The following ZSCAN5A variants were observed in gnomAD, a reference collection of about 807,000 sequenced individuals.
The protein encoded by ZSCAN5A is zinc finger and SCAN domain containing 5A.
Under a neutral mutation model 23.7 loss-of-function variants are expected in ZSCAN5A, and 12 were observed. The observed-to-expected ratio is 0.51, with a 90% CI of 0.32 to 0.82. The LOEUF is 0.82. ZSCAN5A is among the 40% of genes least tolerant of loss of function. The probability of loss-of-function intolerance (pLI) is 0.03; values close to 1 mark genes in which losing one functional copy is unlikely to be tolerated. For synonymous variants in ZSCAN5A, 257 were observed against 239.9 expected (o/e 1.07, Z -0.66); for missense variants, 597 against 617.9 (o/e 0.97, Z 0.36).
At chr19:56,343,359 T>G in intron 2 of ZSCAN5A, 1 of 570,722 alleles carries the variant, frequency 1.8e-6, no homozygotes, top group South Asian at 1.5e-5. Context: ...AAGGTAGCAG[T>G]TGTCTTAGAG....
At chr19:56,319,562 C>G (rs1371261921), upstream of ZSCAN5A, among the ~76,000 whole-genome samples, 1 of 148,998 alleles carries the variant, frequency 6.7e-6, no homozygotes, top group African/African-American at 2.5e-5. Flanking sequence ...ACAGTAATGG[C>G]TTGAAATCAG....
intron 2 of ZSCAN5A, among the ~76,000 whole-genome samples, chr19:56,255,095 G>GGT (rs1282013536): frequency 2.0e-5 from 3 of 151,894 alleles, no homozygotes; most frequent in Admixed American, 6.6e-5. Context: ...GAATAAGTGA[G>GGT]GTACAGTAAA....
In ZSCAN5A at chr19:56,335,858, G is replaced by A. The variant is rs2147442148; in HGVS notation, c.-357-19590C>T. Among the ~76,000 whole-genome samples the A allele has an allele frequency of 1.3e-5, 2 of 152,236 alleles. 1 individual carries two copies. Among genetic ancestry groups the A allele is most frequent in the South Asian group, 4.2e-4 (2 of 4,810 alleles). ...TTCACTTATGAAGCTTAGTTTGGCT[G>A]GATATGAAATTCTGGGTTGAAAATT... On this transcript the variant is annotated intron_variant, in intron 2 of 6. Transcript: ENST00000587340.
At chr19:56,303,286 T>TG (rs2040467308) in intron 2 of ZSCAN5A, among the ~76,000 whole-genome samples, 1 of 151,916 alleles carries the variant, frequency 6.6e-6, no homozygotes, top group Non-Finnish European at 1.5e-5. Context: ...AAGACCAGCC[T>TG]GGTCAACATG....
At chr19:56,267,569 G>C (rs147905199) in intron 2 of ZSCAN5A, among the ~76,000 whole-genome samples, 57 of 152,364 alleles carry the variant, frequency 3.7e-4, no homozygotes, top group African/African-American at 1.4e-3. Flanking sequence ...CACGTGGCTA[G>C]TGGCCACCAT....
chr19:56,247,815 C>T (rs891939427), intron 2 of ZSCAN5A, among the ~76,000 whole-genome samples: 1 of 152,100 alleles, frequency 6.6e-6, no homozygotes, highest in African/African-American at 2.4e-5. Flanking sequence ...CCTCAGCCTC[C>T]CGAGTAGCTG....
intron 2 of ZSCAN5A, chr19:56,285,102 T>G (rs990089514): frequency 1.4e-6 from 1 of 730,584 alleles, no homozygotes; most frequent in African/African-American, 1.9e-5. Context: ...GAGTCATTTA[T>G]GCTTTTAGGT....
chr19:56,239,152 T>C (rs1033048590), intron 2 of ZSCAN5A, among the ~76,000 whole-genome samples: 6 of 152,204 alleles, frequency 3.9e-5, no homozygotes, highest in Admixed American at 1.3e-4. Flanking sequence ...CACAGGGAGC[T>C]TGAAGTTCAC....
Position 56,321,518 on chromosome 19 carries a change from G to A in ZSCAN5A, c.-357-5250C>T, listed in dbSNP as rs185276710. ...TCCTTGCACCATGCACCACTCACAC[G>A]CACTTTCGCTGTCTGTCTGGGTGTC... On this transcript the variant is annotated intron_variant, in intron 2 of 6. Transcript: ENST00000587340. 2.3e-4 allele frequency: 169 copies of A among 726,620 alleles called. No homozygotes were observed. In the East Asian group the frequency reaches 3.0e-3, roughly 13 times the overall value. 45.0% of individuals were successfully genotyped at this position (726,620 alleles called of 1,614,324 possible). A position where few individuals can be genotyped will look rare whatever the true frequency, so the allele number is the denominator to read the frequency against.
intron 2 of ZSCAN5A, among the ~76,000 whole-genome samples, chr19:56,292,095 C>T (rs1225138096): frequency 2.0e-5 from 3 of 152,162 alleles, no homozygotes; most frequent in East Asian, 1.9e-4. Context: ...GACTCAGCTG[C>T]TTAACCACGG....
Position 56,341,799 on chromosome 19 carries a change from G to C in ZSCAN5A, c.-358+21436C>G, listed in dbSNP as rs143526856. ...TTAGACCTTTGAGAAAACACTGTTA[G>C]CATCAGGCAACAACAACAACAAAAA... On this transcript the variant is annotated intron_variant, in intron 2 of 6. Coordinates refer to the ZSCAN5A transcript ENST00000587340. Among the ~76,000 whole-genome samples, 4 of 146,650 alleles carry C rather than the reference G, an allele frequency of 2.7e-5. No individual in the cohort carries two copies. The East Asian group carries it at 8.1e-4, about 30-fold the overall frequency.
chr19:56,321,568 C>G, intron 2 of ZSCAN5A: 1 of 768,402 alleles, frequency 1.3e-6, no homozygotes. Context: ...AGCTCACTAC[C>G]TCCCTGTCAT....
At position 56,267,440 on chromosome 19, in the gene ZSCAN5A, T is replaced by C. The variant is rs1479821670; in HGVS notation, c.-127-42267A>G. ...CATGATTTAGAGCAGCACTGTCCAA[T>C]ATATGTAGCTATTTAGATTTACCAC... On this transcript the variant is annotated intron_variant, in intron 2 of 5. Coordinates refer to ENST00000683990, the MANE Select transcript of ZSCAN5A (RefSeq NM_001322064.3). Among the ~76,000 whole-genome samples, 3 of 152,210 alleles carry C rather than the reference T, an allele frequency of 2.0e-5. No individual in the cohort carries two copies. The South Asian group carries it at 6.2e-4, about 32-fold the overall frequency.
intron 2 of ZSCAN5A, among the ~76,000 whole-genome samples, chr19:56,345,538 A>C (rs2041625888): frequency 6.6e-6 from 1 of 152,224 alleles, no homozygotes; most frequent in Non-Finnish European, 1.5e-5. Context: ...AAAAATTTGC[A>C]TTATAAAGTA....
rs1353068534 is a variant in ZSCAN5A, at chr19:56,222,072, A to G, written c.994T>C (p.Ser332Pro). The change falls in exon 6 of 6, where the codon TCA becomes CCA. Residue 332 changes from serine to proline, a missense_variant. Ser to Pro is a moderately conservative substitution (Grantham distance 74). Around this residue, in one of 5 missense-constraint regions of ZSCAN5A, gnomAD observed 406 missense variants for 353.2 expected, o/e 1.15. Transcript: ENST00000683990. ...RESPGQAGMN[S>P]IHSPGPASPV... ...CTCGCAGGGCCTGGGGAATGAATTG[A>G]ATTCATCCCAGCTTGTCCCGGGGAT... The G allele has an allele frequency of 1.5e-5, 24 of 1,613,908 alleles. No individual in the cohort carries two copies. Among genetic ancestry groups the G allele is most frequent in the African/African-American group, 4.0e-5 (3 of 74,884 alleles).
At chr19:56,305,126 C>T (rs767013617) in intron 2 of ZSCAN5A, among the ~76,000 whole-genome samples, 7 of 152,140 alleles carry the variant, frequency 4.6e-5, no homozygotes, top group South Asian at 2.1e-4. Flanking sequence ...CCAACACACA[C>T]GACATAAAAT....
chr19:56,328,833 C>CAA (rs372071221), intron 2 of ZSCAN5A, among the ~76,000 whole-genome samples: 75 of 140,012 alleles, frequency 5.4e-4, no homozygotes, highest in African/African-American at 7.8e-4. Flanking sequence ...ACTAAAAATA[C>CAA]AAAAAAAAAA....
chr19:56,304,475 A>T (rs1568730439), intron 2 of ZSCAN5A, among the ~76,000 whole-genome samples: 1 of 152,230 alleles, frequency 6.6e-6, no homozygotes, highest in Non-Finnish European at 1.5e-5. Flanking sequence ...CATACGGCCC[A>T]GGACAACACG....
At chr19:56,242,073 A>C (rs528459704) in intron 2 of ZSCAN5A, among the ~76,000 whole-genome samples, 37 of 151,998 alleles carry the variant, frequency 2.4e-4, no homozygotes, top group East Asian at 7.7e-4. Context: ...GGATTGCCGG[A>C]TCATGCAGTT....
Sources: allele counts gnomAD v4.1 joint callset (sites outside exome capture counted in the v4.1 genomes callset), GRCh38; gene constraint gnomAD v4.1.1; regional missense constraint gnomAD v4.1.1; transcripts MANE v1.5; gene names NCBI Gene and HGNC (gene_info 2026-07-23, HGNC 2026-07-21).